MTA3: variants seen among roughly 807,000 people sequenced by gnomAD.
The protein encoded by MTA3 is metastasis associated 1 family member 3.
In MTA3, 34 loss-of-function variants were observed where a neutral mutation model predicts 83.5. That is an observed-to-expected ratio of 0.41 (90% CI 0.31 to 0.54). MTA3 has a LOEUF of 0.54. MTA3 is among the 20% of genes least tolerant of loss of function. MTA3 has a pLI of 0.33. For missense variants in MTA3, 761 were observed against 726.4 expected, an observed-to-expected ratio of 1.05 and a Z score of -0.55; for synonymous variants, 303 against 252.7, an observed-to-expected ratio of 1.20 and a Z score of -1.89.
At chr2:42,690,864 A>C (rs1204061897) in intron 9 of MTA3, among the ~76,000 whole-genome samples, 1 of 141,116 alleles carries the variant, frequency 7.1e-6, no homozygotes, top group South Asian at 2.2e-4. Flanking sequence ...TATTTTATTT[A>C]TTTATTTATT....
intron 8 of MTA3, among the ~76,000 whole-genome samples, chr2:42,665,909 G>A (rs1450605785): frequency 1.3e-5 from 2 of 152,182 alleles, no homozygotes; most frequent in African/African-American, 2.4e-5. Context: ...GAAAGGCCAA[G>A]CTGTGTTGAT....
chr2:42,604,831 T>C (rs1195412847), intron 3 of MTA3, among the ~76,000 whole-genome samples: 2 of 149,444 alleles, frequency 1.3e-5, no homozygotes, highest in Non-Finnish European at 3.0e-5. Flanking sequence ...AAAGCACATA[T>C]TGCACCGCCC....
chr2:42,720,951 CAAAAAAAAAAAA>C (rs377702701), intron 15 of MTA3, among the ~76,000 whole-genome samples: 6 of 69,588 alleles, frequency 8.6e-5, no homozygotes, highest in African/African-American at 3.2e-4. Flanking sequence ...GACCCTGTCT[CAAAAAAAAAAAA>C]AAAAAAAAAA....
chr2:42,529,305 T>TA (rs1430420970), intron 2 of MTA3, among the ~76,000 whole-genome samples: 2 of 152,134 alleles, frequency 1.3e-5, no homozygotes, highest in East Asian at 1.9e-4. Context: ...AGAGGATCTC[T>TA]ATAATCTGGG....
chr2:42,499,224 A>G (rs1219048657), intron 2 of MTA3, among the ~76,000 whole-genome samples: 1 of 150,972 alleles, frequency 6.6e-6, no homozygotes, highest in Non-Finnish European at 1.5e-5. Flanking sequence ...CTGGAGTGCA[A>G]TGGTGCGATC....
chr2:42,642,161 C>T (rs1687755009), intron 5 of MTA3, among the ~76,000 whole-genome samples: 2 of 152,108 alleles, frequency 1.3e-5, no homozygotes, highest in African/African-American at 4.8e-5. Flanking sequence ...TTCTTTTTTA[C>T]AACTTCTATT....
intron 3 of MTA3, among the ~76,000 whole-genome samples, chr2:42,580,861 T>G (rs1679540018): frequency 6.6e-6 from 1 of 152,180 alleles, no homozygotes; most frequent in African/African-American, 2.4e-5. Flanking sequence ...AGTGCTGGGA[T>G]TACAGGTGTG....
chr2:42,682,276 T>G, intron 8 of MTA3, 125 bp from the exon 9 acceptor site: 1 of 673,520 alleles, frequency 1.5e-6, no homozygotes, highest in Non-Finnish European at 2.3e-6. Flanking sequence ...TGTTTAAAAT[T>G]TTGTTAAAAA....
At chr2:42,638,231 T>C (rs1356710976) in intron 4 of MTA3, among the ~76,000 whole-genome samples, 2 of 152,160 alleles carry the variant, frequency 1.3e-5, no homozygotes, top group Non-Finnish European at 2.9e-5. Context: ...AAGTGAAAAC[T>C]ATTTTTAGAA....
intron 16 of MTA3, among the ~76,000 whole-genome samples, chr2:42,731,331 G>C (rs549256162): frequency 4.9e-4 from 74 of 152,232 alleles, no homozygotes; most frequent in Admixed American, 1.8e-3. Flanking sequence ...ATGTAGGCTT[G>C]TATTAGTCTG....
rs561676381 is a variant in MTA3, at chr2:42,591,953, G to A, written c.190+12753G>A. ...CGTGAGCCACCGTGCCTGGCCTTAA[G>A]CTTTTTTCCTATTAAGAAAAATTCA... On this transcript the variant is annotated intron_variant, in intron 3 of 16. Transcript: ENST00000405094. 1.7e-4 allele frequency among the ~76,000 whole-genome samples: 25 copies of A among 150,842 alleles called. No individual in the cohort carries two copies. The East Asian group carries it at 4.3e-3, about 26-fold the overall frequency.
At chr2:42,512,355 T>A (rs982274689) in intron 2 of MTA3, among the ~76,000 whole-genome samples, 8 of 152,178 alleles carry the variant, frequency 5.3e-5, no homozygotes, top group African/African-American at 1.9e-4. Flanking sequence ...CTTCCAGTGC[T>A]GTAACTCCAT....
At chr2:42,541,823 C>G (rs188457992) in intron 2 of MTA3, among the ~76,000 whole-genome samples, 14 of 152,278 alleles carry the variant, frequency 9.2e-5, no homozygotes, top group Admixed American at 7.9e-4. Context: ...CAAGTCTTCT[C>G]AGTAATACCT....
chr2:42,667,574 G>GTGTGTGTGTGTGTGTGTGTT (rs1690350358), intron 8 of MTA3, among the ~76,000 whole-genome samples: 5 of 121,168 alleles, frequency 4.1e-5, no homozygotes, highest in Admixed American at 3.7e-4. Context: ...TAAAAATTGT[G>GTGTGTGTGTGTGTGTGTGTT]TGTGTGTGTG....
intron 3 of MTA3, among the ~76,000 whole-genome samples, chr2:42,606,316 G>C (rs1183165024): frequency 2.0e-5 from 3 of 148,030 alleles, no homozygotes; most frequent in Admixed American, 6.7e-5. Context: ...GGTGGCTGCC[G>C]GGCGGAGAGG....
At position 42,732,734 on chromosome 2, in the gene MTA3, C is replaced by CA. The variant is rs1468971552; in HGVS notation, c.1759+9699_1759+9700insA. On this transcript the variant is annotated intron_variant, in intron 16 of 16. Transcript: ENST00000405094. Reference sequence around the variant, plus strand: ...TTCCCTTTTAAAACTGAATGCAGTACCCAAGTGACCTCTTGAATGCTTTGC... The same window carrying CA: ...TTCCCTTTTAAAACTGAATGCAGTACACCAAGTGACCTCTTGAATGCTTTGC... Among the ~76,000 whole-genome samples the CA allele has an allele frequency of 4.6e-5, 7 of 152,156 alleles. No homozygotes were observed. In the South Asian group the frequency reaches 1.4e-3, roughly 32 times the overall value.
chr2:42,745,309 T>C (rs902529815), intron 16 of MTA3, among the ~76,000 whole-genome samples: 1 of 152,230 alleles, frequency 6.6e-6, no homozygotes, highest in African/African-American at 2.4e-5. Context: ...GCTTAACTGA[T>C]TGAGCCCCTC....
chr2:42,502,310 T>C (rs113011801), intron 2 of MTA3, among the ~76,000 whole-genome samples: 119 of 152,316 alleles, frequency 7.8e-4, no homozygotes, highest in African/African-American at 2.7e-3. Context: ...GGAAGAATTT[T>C]AGAACAAAGA....
At chr2:42,662,649 TAA>T (rs1689828235) in intron 8 of MTA3, among the ~76,000 whole-genome samples, 1 of 151,990 alleles carries the variant, frequency 6.6e-6, no homozygotes, top group African/African-American at 2.4e-5. Flanking sequence ...TTTTGATAAC[TAA>T]GTCTTATGTG....
Sources: allele counts gnomAD v4.1 joint callset (sites outside exome capture counted in the v4.1 genomes callset), GRCh38; gene constraint gnomAD v4.1.1; transcripts MANE v1.5; gene names NCBI Gene and HGNC (gene_info 2026-07-23, HGNC 2026-07-21).